ADAMTSL1: variants seen among roughly 807,000 people sequenced by gnomAD.
ADAMTSL1 encodes ADAMTS like 1.
ADAMTSL1 carries 126 observed loss-of-function variants against 201.8 expected under a neutral mutation model. That is an observed-to-expected ratio of 0.62 (90% confidence interval 0.54 to 0.72). ADAMTSL1 has a LOEUF of 0.72. Among genes scored for constraint, ADAMTSL1 ranks in the 30% least tolerant of loss-of-function variants. The pLI is 0.00. For missense variants in ADAMTSL1, 2,679 were observed against 2,277.8 expected (o/e 1.18, Z -3.59); for synonymous variants, 1,121 against 903.4 (o/e 1.24, Z -4.32).
At chr9:18,324,214 A>G (rs1170453067) in intron 2 of ADAMTSL1, among the ~76,000 whole-genome samples, 1 of 152,224 alleles carries the variant, frequency 6.6e-6, no homozygotes, top group Non-Finnish European at 1.5e-5. Context: ...TGGGGAAAAG[A>G]AAGTCTTTTT....
At chr9:18,468,126 C>T (rs137884181) in intron 2 of ADAMTSL1, among the ~76,000 whole-genome samples, 1,826 of 152,284 alleles carry the variant, frequency 0.012, 24 homozygotes, top group African/African-American at 0.031. Flanking sequence ...CCAAGATTCT[C>T]TGTAGCATTG....
chr9:18,399,461 C>A (rs1817897637), intron 2 of ADAMTSL1, among the ~76,000 whole-genome samples: 1 of 151,210 alleles, frequency 6.6e-6, no homozygotes, highest in Non-Finnish European at 1.5e-5. Context: ...TGACTCTCAG[C>A]CTCCCAAGTA....
intron 2 of ADAMTSL1, among the ~76,000 whole-genome samples, chr9:18,175,732 G>C (rs73645735): frequency 0.045 from 6,874 of 152,078 alleles, 437 homozygotes; most frequent in African/African-American, 0.14. Flanking sequence ...CTCTCATTCT[G>C]GTCCTCAGGG....
At chr9:17,948,854 T>C (rs976744695) in intron 1 of ADAMTSL1, among the ~76,000 whole-genome samples, 2 of 152,186 alleles carry the variant, frequency 1.3e-5, no homozygotes, top group African/African-American at 4.8e-5. Flanking sequence ...ACCAAGACTG[T>C]TTCTACCAGC....
At chr9:17,958,498 G>T (rs1828013867) in intron 1 of ADAMTSL1, among the ~76,000 whole-genome samples, 1 of 152,128 alleles carries the variant, frequency 6.6e-6, no homozygotes, top group Non-Finnish European at 1.5e-5. Context: ...TCTTAGGCTG[G>T]ATCCCAAGCC....
chr9:18,172,774 A>G (rs921481965), intron 2 of ADAMTSL1, among the ~76,000 whole-genome samples: 19 of 152,112 alleles, frequency 1.2e-4, no homozygotes, highest in African/African-American at 4.3e-4. Flanking sequence ...CACTATATAA[A>G]TAAATAACAC....
chr9:18,574,254 T>C lies in ADAMTSL1; in HGVS notation c.462T>C (p.Ser154=). 4 of 1,613,830 alleles carry C rather than the reference T, an allele frequency of 2.5e-6. No homozygotes were observed. Among genetic ancestry groups the C allele is most frequent in the Non-Finnish European group, 1.7e-6 (2 of 1,179,714 alleles). ...CAGAATCTTTGGATATGTGCATCAG[T>C]GGTTTATGCCAAGTAAGTGCTGATT... ...CYTESLDMCI[S]GLCQIVGCDH... The change falls in exon 4 of 29, where the codon AGT becomes AGC. Residue 154 remains serine (S), a synonymous_variant. Coordinates refer to ENST00000380548, the MANE Select transcript of ADAMTSL1 (RefSeq NM_001040272.6).
intron 2 of ADAMTSL1, among the ~76,000 whole-genome samples, chr9:18,308,911 A>T (rs547915896): frequency 6.6e-6 from 1 of 152,224 alleles, no homozygotes; most frequent in East Asian, 1.9e-4. Context: ...AATATCCTTG[A>T]TGAACATTGA....
chr9:18,090,026 G>A (rs1413637377), intron 1 of ADAMTSL1, among the ~76,000 whole-genome samples: 3 of 152,076 alleles, frequency 2.0e-5, no homozygotes, highest in Non-Finnish European at 2.9e-5. Context: ...GCATTTGTTA[G>A]CACTTTCATT....
intron 23 of ADAMTSL1, among the ~76,000 whole-genome samples, chr9:18,886,166 GTA>G (rs751978972): frequency 0.024 from 881 of 37,040 alleles, 25 homozygotes; most frequent in African/African-American, 0.043. Context: ...GTGTGTATGT[GTA>G]TATATATATA....
intron 4 of ADAMTSL1, among the ~76,000 whole-genome samples, chr9:18,584,704 G>A (rs1364554877): frequency 6.6e-6 from 1 of 152,196 alleles, no homozygotes; most frequent in Non-Finnish European, 1.5e-5. Context: ...AGGTGTGTCT[G>A]TGAGGGTATT....
intron 2 of ADAMTSL1, among the ~76,000 whole-genome samples, chr9:18,237,451 A>G (rs973432991): frequency 6.6e-6 from 1 of 152,096 alleles, no homozygotes; most frequent in Non-Finnish European, 1.5e-5. Flanking sequence ...TCTCCTGTTT[A>G]CCTTGTTGCT....
At chr9:17,932,869 A>G (rs1283803417) in intron 1 of ADAMTSL1, among the ~76,000 whole-genome samples, 1 of 152,174 alleles carries the variant, frequency 6.6e-6, no homozygotes, top group African/African-American at 2.4e-5. Flanking sequence ...CTCCTCTTCT[A>G]TCATGACCAG....
intron 2 of ADAMTSL1, among the ~76,000 whole-genome samples, chr9:18,182,822 C>A (rs987126030): frequency 3.3e-5 from 5 of 152,168 alleles, no homozygotes; most frequent in Admixed American, 1.3e-4. Context: ...ACAGTTCGGG[C>A]AGCCTGATTC....
chr9:18,281,672 A>C (rs1436156902), intron 2 of ADAMTSL1, among the ~76,000 whole-genome samples: 1 of 152,222 alleles, frequency 6.6e-6, no homozygotes, highest in Admixed American at 6.5e-5. Context: ...GAACGCCTCA[A>C]AGGGCTCAGA....
chr9:17,954,923 G>A (rs1827873042), intron 1 of ADAMTSL1, among the ~76,000 whole-genome samples: 1 of 152,012 alleles, frequency 6.6e-6, no homozygotes, highest in Admixed American at 6.6e-5. Context: ...AAGGTGAAAA[G>A]GTACTGGGCT....
intron 1 of ADAMTSL1, among the ~76,000 whole-genome samples, chr9:17,912,845 C>G (rs1200967977): frequency 6.7e-6 from 1 of 149,708 alleles, no homozygotes; most frequent in African/African-American, 2.4e-5. Context: ...CTTTAATCAT[C>G]TTGAATTGAT....
intron 19 of ADAMTSL1, among the ~76,000 whole-genome samples, chr9:18,791,917 T>C (rs931676520): frequency 1.3e-5 from 2 of 152,196 alleles, no homozygotes; most frequent in African/African-American, 4.8e-5. Flanking sequence ...AGGAATTCTT[T>C]TCCAGGCTTC....
At chr9:18,108,481 T>G (rs1190436324) in intron 1 of ADAMTSL1, among the ~76,000 whole-genome samples, 1 of 152,048 alleles carries the variant, frequency 6.6e-6, no homozygotes, top group Non-Finnish European at 1.5e-5. Context: ...ATTACCAGGG[T>G]GAGCCACTGT....
Sources: allele counts gnomAD v4.1 joint callset (sites outside exome capture counted in the v4.1 genomes callset), GRCh38; gene constraint gnomAD v4.1.1; transcripts MANE v1.5; gene names NCBI Gene and HGNC (gene_info 2026-07-23, HGNC 2026-07-21).